The following OPHN1 variants were observed in gnomAD, a reference collection of about 807,000 sequenced individuals.
OPHN1 encodes oligophrenin-1.
In OPHN1, 11 loss-of-function variants were observed where a neutral mutation model predicts 60.7. The ratio of observed to expected loss-of-function variants is 0.18; its 90% CI spans 0.11 to 0.30. OPHN1 has a LOEUF of 0.30. Among genes scored for constraint, OPHN1 ranks in the 10% least tolerant of loss-of-function variants. The pLI is 1.00. For missense variants in OPHN1, 449 were observed against 611.0 expected (o/e 0.73, Z 2.80); for synonymous variants, 226 against 222.6 (o/e 1.02, Z -0.14).
At chrX:68,426,469 A>C (rs1247213908) in intron 2 of OPHN1, among the ~76,000 whole-genome samples, 1 of 97,894 alleles carries the variant, frequency 1.0e-5, no homozygotes, top group Non-Finnish European at 2.1e-5. Flanking sequence ...ATGAGTTTTC[A>C]TTAGTCCAAG....
At chrX:68,208,829 A>G (rs753802237) in intron 9 of OPHN1, among the ~76,000 whole-genome samples, 15 of 111,962 alleles carry the variant, frequency 1.3e-4, no homozygotes, top group Non-Finnish European at 2.6e-4. Flanking sequence ...GCACAAAGTG[A>G]GGAGGCCAGG....
At chrX:68,061,710 T>A (rs1007618531) in intron 21 of OPHN1, among the ~76,000 whole-genome samples, 2 of 111,532 alleles carry the variant, frequency 1.8e-5, no homozygotes, top group African/African-American at 6.5e-5. Flanking sequence ...ATTTTACAGA[T>A]CTGGAAACCA....
At chrX:68,150,580 A>C (rs955937231) in intron 15 of OPHN1, among the ~76,000 whole-genome samples, 2 of 112,176 alleles carry the variant, frequency 1.8e-5, no homozygotes, top group Non-Finnish European at 3.8e-5. Context: ...AGACTAAAGT[A>C]GATGAAAAGG....
At chrX:68,276,739 C>T (rs1029934059) in intron 4 of OPHN1, among the ~76,000 whole-genome samples, 1 of 111,127 alleles carries the variant, frequency 9.0e-6, no homozygotes, top group Non-Finnish European at 1.9e-5. Context: ...AGAAGTAACA[C>T]TCTGTGACAT....
chrX:68,097,473 A>C (rs1055931205), intron 18 of OPHN1, among the ~76,000 whole-genome samples: 3 of 110,905 alleles, frequency 2.7e-5, no homozygotes, highest in Non-Finnish European at 5.7e-5. Flanking sequence ...AGAAGCAAAA[A>C]CCTGAAAGAG....
At position 68,419,538 on chromosome X, in the gene OPHN1, ATT is replaced by A. The variant is rs201633101; in HGVS notation, c.154+13327_154+13328del. Among the ~76,000 whole-genome samples, 364 of 84,887 alleles carry A rather than the reference ATT, an allele frequency of 4.3e-3. 1 individual carries two copies. Among genetic ancestry groups the A allele is most frequent in the African/African-American group, 0.015 (346 of 23,710 alleles). The allele number at this position is 84,887 out of a possible 115,157, so 73.7% of individuals were successfully genotyped here. A position where few individuals can be genotyped will look rare whatever the true frequency, so the allele number is the denominator to read the frequency against. The stretch of plus-strand genomic sequence containing the variant: ...TTTCCTCTTTCTTAACTCCTTAACA[ATT>A]TTTTTTTTTTTTTTTTTTGAGACAA... On this transcript the variant is annotated intron_variant, in intron 2 of 24. Transcript: ENST00000355520.
intron 2 of OPHN1, among the ~76,000 whole-genome samples, chrX:68,375,365 T>G (rs1460299950): frequency 9.0e-6 from 1 of 110,719 alleles, no homozygotes. Flanking sequence ...GGCATGGAGG[T>G]GCACACCTGT....
chrX:68,293,829 C>T (rs757010291), intron 3 of OPHN1, among the ~76,000 whole-genome samples: 70 of 111,389 alleles, frequency 6.3e-4, no homozygotes, highest in African/African-American at 2.3e-3. Context: ...GAGTAAGTGC[C>T]TCCTTAAATC....
chrX:68,121,168 C>A (rs1399844987), intron 15 of OPHN1, among the ~76,000 whole-genome samples: 1 of 112,043 alleles, frequency 8.9e-6, no homozygotes, highest in East Asian at 2.8e-4. Context: ...AAAGCTTCTG[C>A]AAAGAAATGG....
chrX:68,047,598 G>C (rs982359385), intron 24 of OPHN1, among the ~76,000 whole-genome samples: 5 of 111,441 alleles, frequency 4.5e-5, no homozygotes, highest in Non-Finnish European at 9.4e-5. Context: ...AAAAAAGAAG[G>C]TTAGGGAGCA....
chrX:68,362,285 TG>T (rs925688213), intron 2 of OPHN1, among the ~76,000 whole-genome samples: 1 of 111,443 alleles, frequency 9.0e-6, no homozygotes, highest in Non-Finnish European at 1.9e-5. Flanking sequence ...AAGTGAAAAC[TG>T]CATGATCTAC....
intron 2 of OPHN1, among the ~76,000 whole-genome samples, chrX:68,392,271 T>C (rs1355126104): frequency 8.9e-6 from 1 of 111,921 alleles, no homozygotes; most frequent in African/African-American, 3.2e-5. Flanking sequence ...CTTAACATTT[T>C]CTTTCCTCTA....
intron 2 of OPHN1, among the ~76,000 whole-genome samples, chrX:68,368,017 C>G (rs927854520): frequency 1.6e-4 from 18 of 111,901 alleles, no homozygotes; most frequent in Admixed American, 1.5e-3. Flanking sequence ...TGGAGGCTAC[C>G]TGAAGAACTA....
chrX:68,327,234 A>G (rs1483419261), intron 2 of OPHN1, among the ~76,000 whole-genome samples: 1 of 3,126 alleles, frequency 3.2e-4, no homozygotes, highest in Non-Finnish European at 4.3e-4. Flanking sequence ...CCTACTGGGA[A>G]GTGAGGAGCC....
chrX:68,330,858 T>C (rs1227223837), intron 2 of OPHN1, among the ~76,000 whole-genome samples: 5 of 107,224 alleles, frequency 4.7e-5, no homozygotes, highest in Non-Finnish European at 9.6e-5. Context: ...TAAGCATTTA[T>C]ATATTTATAT....
intron 15 of OPHN1, among the ~76,000 whole-genome samples, chrX:68,136,102 A>G (rs891279030): frequency 4.5e-5 from 5 of 110,618 alleles, no homozygotes; most frequent in African/African-American, 1.6e-4. Context: ...GCTGTCCAAT[A>G]GGGCCACTAC....
At chrX:68,228,339 G>A (rs1242714978) in intron 6 of OPHN1, among the ~76,000 whole-genome samples, 4 of 111,461 alleles carry the variant, frequency 3.6e-5, no homozygotes, top group Non-Finnish European at 5.7e-5. Flanking sequence ...ACAAGGAGGA[G>A]CTGGTACCAT....
intron 2 of OPHN1, among the ~76,000 whole-genome samples, chrX:68,432,078 C>G (rs1041314273): frequency 9.0e-6 from 1 of 110,896 alleles, no homozygotes; most frequent in East Asian, 2.9e-4. Context: ...CCTCCACACA[C>G]AATGGGGGAA....
At chrX:68,121,994 C>A (rs947716677) in intron 15 of OPHN1, among the ~76,000 whole-genome samples, 1 of 109,189 alleles carries the variant, frequency 9.2e-6, no homozygotes, top group African/African-American at 3.3e-5. Context: ...ACTAAAGAAC[C>A]TTTGGACCCT....
Sources: allele counts gnomAD v4.1 joint callset (sites outside exome capture counted in the v4.1 genomes callset), GRCh38; gene constraint gnomAD v4.1.1; transcripts MANE v1.5; gene names NCBI Gene and HGNC (gene_info 2026-07-23, HGNC 2026-07-21).